The following ARHGAP20 variants were observed in gnomAD, a reference collection of about 807,000 sequenced individuals.
ARHGAP20 encodes the protein rho GTPase-activating protein 20.
ARHGAP20 carries 34 observed loss-of-function variants against 73.7 expected under a neutral mutation model. That is an observed-to-expected ratio of 0.46 (90% CI 0.35 to 0.61). The LOEUF (loss-of-function observed/expected upper bound fraction) is 0.61. Among genes scored for constraint, ARHGAP20 ranks in the 20% least tolerant of loss-of-function variants. The pLI is 0.00. For synonymous variants in ARHGAP20, 523 were observed against 518.2 expected (o/e 1.01, Z -0.13); for missense variants, 1,314 against 1,420.9 (o/e 0.92, Z 1.21).
chr11:110,684,604 A>G (rs1039487890), intron 2 of ARHGAP20, among the ~76,000 whole-genome samples: 16 of 152,286 alleles, frequency 1.1e-4, no homozygotes, highest in South Asian at 2.1e-4. Context: ...TTTTATCAAA[A>G]AGACTGCACT....
chr11:110,601,278 A>G (rs191731583), intron 9 of ARHGAP20, among the ~76,000 whole-genome samples: 21 of 152,374 alleles, frequency 1.4e-4, no homozygotes, highest in Non-Finnish European at 3.1e-4. Flanking sequence ...GCAAAATTCT[A>G]TGTTTATACT....
At chr11:110,656,934 T>G (rs1949480328) in intron 2 of ARHGAP20, among the ~76,000 whole-genome samples, 1 of 152,184 alleles carries the variant, frequency 6.6e-6, no homozygotes, top group African/African-American at 2.4e-5. Flanking sequence ...CCCATTTTGT[T>G]GACAGCTACC....
At chr11:110,590,904 G>A (rs141230173) in intron 10 of ARHGAP20, 95 bp from the exon 11 acceptor site, 27 of 1,272,482 alleles carry the variant, frequency 2.1e-5, no homozygotes, top group South Asian at 1.3e-4. Flanking sequence ...GCTAGGGTGC[G>A]CTAGGGTAAA....
chr11:110,597,469 C>T (rs555594084), intron 9 of ARHGAP20, among the ~76,000 whole-genome samples: 2 of 152,036 alleles, frequency 1.3e-5, no homozygotes, highest in East Asian at 3.9e-4. Context: ...GGTTTGCTCA[C>T]ATTTACTTGA....
intron 5 of ARHGAP20, 49 bp from the exon 6 acceptor site, chr11:110,614,694 T>G (rs769309597): frequency 8.4e-7 from 1 of 1,190,904 alleles, no homozygotes; most frequent in East Asian, 2.5e-5. Flanking sequence ...CAGATGGAAT[T>G]CGCTAATGGC....
intron 2 of ARHGAP20, among the ~76,000 whole-genome samples, chr11:110,654,495 A>G (rs1050557715): frequency 1.3e-5 from 2 of 152,258 alleles, no homozygotes; most frequent in African/African-American, 2.4e-5. Context: ...TGAAATACTT[A>G]TAAGTAACTG....
At chr11:110,643,915 T>C (rs575698473) in intron 2 of ARHGAP20, among the ~76,000 whole-genome samples, 2 of 152,234 alleles carry the variant, frequency 1.3e-5, no homozygotes, top group East Asian at 3.9e-4. Context: ...TAACTTGTTT[T>C]ATGAATCTGG....
intron 13 of ARHGAP20, among the ~76,000 whole-genome samples, chr11:110,582,656 A>G (rs1305694048): frequency 6.6e-6 from 1 of 152,230 alleles, no homozygotes; most frequent in Non-Finnish European, 1.5e-5. Flanking sequence ...TATTATTTGT[A>G]GCCTTGGCTT....
chr11:110,643,489 CT>C (rs34520321), intron 2 of ARHGAP20, among the ~76,000 whole-genome samples: 39 of 151,948 alleles, frequency 2.6e-4, no homozygotes, highest in African/African-American at 8.7e-4. Context: ...ATTTCAAATA[CT>C]TTTTTTTGAT....
At chr11:110,600,372 G>A (rs1026602850) in intron 9 of ARHGAP20, among the ~76,000 whole-genome samples, 1 of 152,234 alleles carries the variant, frequency 6.6e-6, no homozygotes, top group Admixed American at 6.5e-5. Context: ...GAAGCTGCTG[G>A]TGGTGTGCCT....
intron 2 of ARHGAP20, among the ~76,000 whole-genome samples, chr11:110,633,059 CTCA>C (rs1565449408): frequency 6.6e-6 from 1 of 152,174 alleles, no homozygotes; most frequent in Non-Finnish European, 1.5e-5. Flanking sequence ...CTATCCCCTA[CTCA>C]TCAAGATATT....
At chr11:110,597,077 G>A (rs1947983927) in intron 9 of ARHGAP20, among the ~76,000 whole-genome samples, 1 of 149,608 alleles carries the variant, frequency 6.7e-6, no homozygotes, top group South Asian at 2.1e-4. Flanking sequence ...ACTCATAGGT[G>A]GGAATTGAAC....
Position 110,577,850 on chromosome 11 carries a change from A to ATAAC in ARHGAP20, c.*1516_*1519dup, listed in dbSNP as rs1295752293. The ATAAC allele has an allele frequency of 5.1e-6, 5 of 985,762 alleles. No homozygotes were observed. In the East Asian group the frequency reaches 4.5e-4, roughly 89 times the overall value. The allele number at this position is 985,762 out of a possible 1,614,324, so 61.1% of individuals were successfully genotyped here. A position where few individuals can be genotyped will look rare whatever the true frequency, so the allele number is the denominator to read the frequency against. On this transcript the variant is annotated 3_prime_UTR_variant, in exon 15 of 15. Coordinates refer to ENST00000683387, the MANE Select transcript of ARHGAP20 (RefSeq NM_001384657.1). ...TCTTAGAGAAAATATTTTTTCCCCT[A>ATAAC]TAACTGAAAATGCAACCTTTAGAAC...
At chr11:110,623,821 C>T (rs777871428) in intron 4 of ARHGAP20, among the ~76,000 whole-genome samples, 3 of 151,818 alleles carry the variant, frequency 2.0e-5, no homozygotes, top group Non-Finnish European at 4.4e-5. Flanking sequence ...ACTCTATTCC[C>T]CTTCCATATT....
At chr11:110,590,533 T>G in intron 11 of ARHGAP20, 115 bp downstream of exon 11, 1 of 1,122,064 alleles carries the variant, frequency 8.9e-7, no homozygotes, top group Non-Finnish European at 1.2e-6. Flanking sequence ...AAAATTATGT[T>G]AATAAATCTA....
At chr11:110,637,746 C>T (rs1948997682) in intron 2 of ARHGAP20, among the ~76,000 whole-genome samples, 1 of 151,952 alleles carries the variant, frequency 6.6e-6, no homozygotes, top group African/African-American at 2.4e-5. Flanking sequence ...ATACAGAGTG[C>T]AGGAGCACAA....
chr11:110,587,385 T>G (rs749061360), intron 11 of ARHGAP20, among the ~76,000 whole-genome samples: 1 of 152,242 alleles, frequency 6.6e-6, no homozygotes, highest in Non-Finnish European at 1.5e-5. Flanking sequence ...AAGTCTGCAA[T>G]TGGGCAATTT....
intron 1 of ARHGAP20, among the ~76,000 whole-genome samples, chr11:110,698,505 T>C (rs1243719950): frequency 6.6e-6 from 1 of 151,814 alleles, no homozygotes; most frequent in African/African-American, 2.4e-5. Flanking sequence ...TACCAGTTCT[T>C]TGTATGTTTG....
At chr11:110,701,085 A>G (rs1950440611) in intron 1 of ARHGAP20, among the ~76,000 whole-genome samples, 1 of 151,856 alleles carries the variant, frequency 6.6e-6, no homozygotes, top group African/African-American at 2.4e-5. Context: ...CATGATTTAT[A>G]GTCCTTTGGG....
Sources: gnomAD v4.1 joint callset for allele counts (sites outside exome capture counted in the v4.1 genomes callset) on GRCh38, gnomAD v4.1.1 for gene constraint, MANE v1.5 for transcripts, NCBI Gene and HGNC (gene_info 2026-07-23, HGNC 2026-07-21) for gene names.